The following VPS50 variants were observed in gnomAD, a reference collection of about 807,000 sequenced individuals.
VPS50 encodes VPS50 subunit of EARP/GARPII complex, also known as syndetin.
A neutral mutation model predicts 139.7 loss-of-function variants in VPS50; 70 were observed. The ratio of observed to expected loss-of-function variants is 0.50; its 90% CI spans 0.41 to 0.61. The LOEUF (loss-of-function observed/expected upper bound fraction) is 0.61, where lower values mean the gene tolerates loss of function less well. Among genes scored for constraint, VPS50 ranks in the 20% least tolerant of loss-of-function variants. The probability of loss-of-function intolerance (pLI) is 0.00; values close to 1 mark genes in which losing one functional copy is unlikely to be tolerated. For synonymous variants in VPS50, 365 were observed against 376.7 expected, an observed-to-expected ratio of 0.97 and a Z score of 0.36; for missense variants, 921 against 1,133.7, an observed-to-expected ratio of 0.81 and a Z score of 2.69.
chr7:93,312,458 C>G (rs569404878), intron 20 of VPS50, among the ~76,000 whole-genome samples: 1 of 152,216 alleles, frequency 6.6e-6, no homozygotes, highest in African/African-American at 2.4e-5. Context: ...ATTGGAAACA[C>G]AGTGGTTTGC....
At position 93,291,779 on chromosome 7, in the gene VPS50, A is replaced by T; in HGVS notation, c.1019A>T (p.Tyr340Phe). Residue 340 changes from tyrosine to phenylalanine, a missense_variant, in exon 13 of 28, where the codon TAT (tyrosine) becomes TTT (phenylalanine). Physicochemically the swap from Tyr to Phe is conservative, Grantham distance 22. Coordinates refer to ENST00000305866, the MANE Select transcript of VPS50 (RefSeq NM_017667.4). ...KALWEVMLSY[Y>F]RTMEWHEKHD... ...CTATGGGAAGTTATGCTCAGCTATT[A>T]TAGGACTATGGAATGGCATGAAAAG... The T allele has an allele frequency of 1.2e-6, 2 of 1,603,498 alleles. No individual in the cohort carries two copies. Among genetic ancestry groups the T allele is most frequent in the Non-Finnish European group, 1.7e-6 (2 of 1,171,834 alleles).
At chr7:93,256,613 G>T (rs1795490377) in intron 5 of VPS50, 51 bp downstream of exon 5, 1 of 929,822 alleles carries the variant, frequency 1.1e-6, no homozygotes, top group Non-Finnish European at 1.6e-6. Context: ...ATGTTTGAGT[G>T]ATTTACACTT....
rs533210617 is a variant in VPS50 at position 93,342,692 on chromosome 7, G to A, written c.2207+1117G>A. On this transcript the variant is annotated intron_variant, in intron 23 of 27. Coordinates refer to ENST00000305866, the MANE Select transcript of VPS50 (RefSeq NM_017667.4). ...ACTGACCCCTGATCCCCGAGCAGCC[G>A]AACTGGGAGGCACCCCCCAGCAGGG... is the stretch of plus-strand genomic sequence containing the variant. 3.3e-4 allele frequency among the ~76,000 whole-genome samples: 50 copies of A among 152,284 alleles called. 1 individual carries two copies. In the South Asian group the frequency reaches 7.0e-3, roughly 21 times the overall value.
At chr7:93,288,956 T>C (rs1157814437) in intron 12 of VPS50, among the ~76,000 whole-genome samples, 1 of 152,144 alleles carries the variant, frequency 6.6e-6, no homozygotes, top group African/African-American at 2.4e-5. Context: ...TCTTCAGATG[T>C]TGGAACAAAC....
chr7:93,260,144 TTTTG>T (rs1175061594), intron 9 of VPS50, among the ~76,000 whole-genome samples: 13 of 152,344 alleles, frequency 8.5e-5, no homozygotes, highest in Non-Finnish European at 1.9e-4. Flanking sequence ...GTGTTATGTC[TTTTG>T]TTTATTATTA....
intron 13 of VPS50, 99 bp from the exon 14 acceptor site, chr7:93,294,446 A>G (rs1796743201): frequency 6.9e-6 from 7 of 1,021,308 alleles, no homozygotes; most frequent in Non-Finnish European, 9.8e-6. Flanking sequence ...ACTGTATCTT[A>G]CATAGACTTA....
At chr7:93,335,723 T>A (rs1232034337) in intron 22 of VPS50, among the ~76,000 whole-genome samples, 2 of 152,184 alleles carry the variant, frequency 1.3e-5, no homozygotes, top group African/African-American at 2.4e-5. Context: ...ATTCTCCAGA[T>A]CTTAGTCCAC....
intron 9 of VPS50, chr7:93,271,012 C>G (rs191093022): frequency 6.4e-6 from 4 of 624,164 alleles, no homozygotes; most frequent in Non-Finnish European, 9.0e-6. Flanking sequence ...TTTCTACTCA[C>G]GCAATCCTGT....
intron 14 of VPS50, among the ~76,000 whole-genome samples, chr7:93,295,153 A>T (rs1796772826): frequency 6.6e-6 from 1 of 152,182 alleles, no homozygotes; most frequent in Non-Finnish European, 1.5e-5. Flanking sequence ...GGCTCCTATA[A>T]CAAAATATTC....
intron 23 of VPS50, among the ~76,000 whole-genome samples, chr7:93,342,484 A>G (rs1472711812): frequency 6.6e-6 from 1 of 152,218 alleles, no homozygotes; most frequent in Non-Finnish European, 1.5e-5. Context: ...CCACAGCCCA[A>G]GGAGGCCTGC....
intron 9 of VPS50, among the ~76,000 whole-genome samples, chr7:93,262,320 G>T (rs1795710856): frequency 6.6e-6 from 1 of 152,154 alleles, no homozygotes; most frequent in Non-Finnish European, 1.5e-5. Context: ...GTCTTTGAAA[G>T]AAATTCTTAT....
rs1798792529 is a variant in VPS50, at chr7:93,359,541, A to C, written c.*1105A>C. The C allele has an allele frequency of 6.6e-6, 1 of 152,126 alleles. No homozygotes were observed. Among genetic ancestry groups the C allele is most frequent in the Admixed American group, 6.6e-5 (1 of 15,250 alleles). The allele number at this position is 152,126 out of a possible 1,614,324, so 9.4% of individuals were successfully genotyped here. A position where few individuals can be genotyped will look rare whatever the true frequency, so the allele number is the denominator to read the frequency against. ...ATCCATTTTCCATGTACTCTTGCCA[A>C]CTGTCTGATAAGGAATTTTGTGTGT... is the stretch of plus-strand genomic sequence containing the variant. On this transcript the variant is annotated 3_prime_UTR_variant, in exon 28 of 28. Coordinates refer to ENST00000305866, the MANE Select transcript of VPS50 (RefSeq NM_017667.4).
At chr7:93,305,026 T>G (rs1034985076) in intron 17 of VPS50, among the ~76,000 whole-genome samples, 22 of 152,024 alleles carry the variant, frequency 1.4e-4, no homozygotes, top group Admixed American at 4.6e-4. Context: ...TCATTGAAAA[T>G]GAATAAATTT....
At chr7:93,262,901 G>T (rs1212768900) in intron 9 of VPS50, among the ~76,000 whole-genome samples, 1 of 152,168 alleles carries the variant, frequency 6.6e-6, no homozygotes, top group Non-Finnish European at 1.5e-5. Context: ...CACTTCTTTT[G>T]TAGATGATAT....
At chr7:93,259,464 T>A (rs1795598452) in intron 8 of VPS50, 86 bp from the exon 9 acceptor site, 2 of 642,776 alleles carry the variant, frequency 3.1e-6, no homozygotes, top group Admixed American at 2.7e-5. Flanking sequence ...AACTTTTGGT[T>A]AGAATATGAA....
intron 16 of VPS50, 123 bp downstream of exon 16, chr7:93,297,366 C>G (rs889621750): frequency 9.2e-7 from 1 of 1,087,518 alleles, no homozygotes; most frequent in African/African-American, 1.7e-5. Flanking sequence ...TGTGTTGTAG[C>G]TTTTTTAAGA....
intron 1 of VPS50, among the ~76,000 whole-genome samples, chr7:93,233,816 T>C (rs6976346): frequency 0.077 from 11,675 of 152,264 alleles, 499 homozygotes; most frequent in East Asian, 0.2. Flanking sequence ...ATCTTTAAAA[T>C]AGGAATAATG....
At chr7:93,284,493 A>T (rs3802061) in intron 12 of VPS50, among the ~76,000 whole-genome samples, 23,179 of 152,186 alleles carry the variant, frequency 0.15, 2,907 homozygotes, top group East Asian at 0.4. Context: ...GGTGCTAGTT[A>T]CTTAATTCCA....
intron 20 of VPS50, among the ~76,000 whole-genome samples, chr7:93,312,460 G>A (rs1797297181): frequency 6.6e-6 from 1 of 152,116 alleles, no homozygotes; most frequent in South Asian, 2.1e-4. Context: ...TGGAAACACA[G>A]TGGTTTGCAA....
Sources: allele counts gnomAD v4.1 joint callset (sites outside exome capture counted in the v4.1 genomes callset), GRCh38; gene constraint gnomAD v4.1.1; transcripts MANE v1.5; gene names NCBI Gene and HGNC (gene_info 2026-07-23, HGNC 2026-07-21).